Variants in ZNF605 observed in about 807,000 individuals in gnomAD.
ZNF605 encodes zinc finger protein 605.
A neutral mutation model predicts 7.9 loss-of-function variants in ZNF605; 9 were observed. The ratio of observed to expected loss-of-function variants is 1.14; its 90% CI spans 0.68 to 1.98. The LOEUF (loss-of-function observed/expected upper bound fraction) is 1.98. Among genes scored for constraint, ZNF605 ranks in the 30% most tolerant of loss-of-function variants. ZNF605 has a pLI of 0.00. For missense variants in ZNF605, 673 were observed against 762.4 expected (o/e 0.88, Z 1.38); for synonymous variants, 255 against 260.1 (o/e 0.98, Z 0.19).
chr12:132,944,305 C>T (rs1952476391), intron 3 of ZNF605, among the ~76,000 whole-genome samples: 1 of 151,350 alleles, frequency 6.6e-6, no homozygotes, highest in South Asian at 2.1e-4. Context: ...GACTGAACAT[C>T]AAAAAAAGAA....
intron 3 of ZNF605, among the ~76,000 whole-genome samples, chr12:132,939,131 G>C (rs1052851238): frequency 1.1e-4 from 17 of 151,912 alleles, no homozygotes; most frequent in African/African-American, 3.6e-4. Flanking sequence ...AAGGGCTGAG[G>C]AATGCGAGCG....
intron 1 of ZNF605, among the ~76,000 whole-genome samples, chr12:132,954,448 GA>G (rs1213308750): frequency 3.0e-3 from 59 of 19,840 alleles, no homozygotes; most frequent in Non-Finnish European, 4.4e-3. Context: ...GTAGGGAGGG[GA>G]GGAGAAGGGT....
intron 1 of ZNF605, chr12:132,948,531 C>T (rs1952519550): frequency 6.6e-6 from 1 of 152,248 alleles, no homozygotes; most frequent in Non-Finnish European, 1.5e-5. Context: ...ACAAGTGGCA[C>T]GAGGCCAGTG....
chr12:132,945,318 C>A lies in ZNF605; in HGVS notation c.15+303G>T. ...TTGTGCTTCTTTGGACATCTTCTTTCCCAAGTTTATATTTTCTCTTATTTA... is the reference window on the plus strand; with the variant it reads ...TTGTGCTTCTTTGGACATCTTCTTTACCAAGTTTATATTTTCTCTTATTTA... On this transcript the variant is annotated intron_variant, in intron 3 of 4. Coordinates refer to ENST00000360187, the MANE Select transcript of ZNF605 (RefSeq NM_183238.4). 13 of 1,026,548 alleles carry A rather than the reference C, an allele frequency of 1.3e-5. No homozygotes were observed. The South Asian group carries it at 1.7e-4, about 13-fold the overall frequency. The allele number at this position is 1,026,548 out of a possible 1,614,324, so 63.6% of individuals were successfully genotyped here. A position where few individuals can be genotyped will look rare whatever the true frequency, so the allele number is the denominator to read the frequency against.
At chr12:132,946,531 C>T (rs950479719) in intron 2 of ZNF605, among the ~76,000 whole-genome samples, 184 of 152,342 alleles carry the variant, frequency 1.2e-3, no homozygotes, top group African/African-American at 4.4e-3. Flanking sequence ...ACTGCCTGCA[C>T]TTTCCTTCAG....
chr12:132,937,358 T>C, intron 3 of ZNF605, among the ~76,000 whole-genome samples: 2 of 39,460 alleles, frequency 5.1e-5, no homozygotes, highest in South Asian at 9.9e-4. Context: ...AAACTCTGTC[T>C]CAAAAAAAAA....
At chr12:132,932,888 C>T (rs1487510471) in intron 4 of ZNF605, 147 bp downstream of exon 4, 2 of 1,363,448 alleles carry the variant, frequency 1.5e-6, no homozygotes, top group Non-Finnish European at 2.0e-6. Context: ...ATTATAAAGG[C>T]TGCAAAATAA....
At chr12:132,935,876 G>C in intron 3 of ZNF605, among the ~76,000 whole-genome samples, 1 of 126,244 alleles carries the variant, frequency 7.9e-6, no homozygotes, top group Admixed American at 9.1e-5. Context: ...CTGGGTGACA[G>C]AGTGAGACTC....
intron 3 of ZNF605, among the ~76,000 whole-genome samples, chr12:132,938,614 T>A (rs1275088727): frequency 6.6e-6 from 1 of 152,188 alleles, no homozygotes; most frequent in African/African-American, 2.4e-5. Context: ...CCCTCGCTTG[T>A]TCTCGGCACC....
At chr12:132,951,377 CAT>C (rs1486373477) in intron 1 of ZNF605, among the ~76,000 whole-genome samples, 16 of 148,118 alleles carry the variant, frequency 1.1e-4, no homozygotes, top group Non-Finnish European at 2.2e-4. Flanking sequence ...GTACATCACA[CAT>C]ATACGTACAC....
At position 132,924,194 on chromosome 12, in the gene ZNF605, A is replaced by G. The variant is rs2137121717; in HGVS notation, c.*1179T>C. 1 of 152,236 alleles carries G rather than the reference A, an allele frequency of 6.6e-6. No homozygotes were observed. The highest frequency in any genetic ancestry group is 1.5e-5 in the Non-Finnish European group (1 of 68,010). The allele number at this position is 152,236 out of a possible 1,614,324, so 9.4% of individuals were successfully genotyped here. A position where few individuals can be genotyped will look rare whatever the true frequency, so the allele number is the denominator to read the frequency against. ...AAGTCATATTTTATTGCTTCTTTGC[A>G]TAACACATTAGTTTTTTTGGATGCC... On this transcript the variant is annotated 3_prime_UTR_variant, in exon 5 of 5. Coordinates refer to ENST00000360187, the MANE Select transcript of ZNF605 (RefSeq NM_183238.4).
At chr12:132,935,475 G>A (rs1952354526) in intron 3 of ZNF605, among the ~76,000 whole-genome samples, 1 of 152,098 alleles carries the variant, frequency 6.6e-6, no homozygotes, top group African/African-American at 2.4e-5. Context: ...AGGGGGCCAT[G>A]CATTCAGGCA....
At position 132,925,919 on chromosome 12, in the gene ZNF605, C is replaced by T. The variant is rs1420788566; in HGVS notation, c.1380G>A (p.Gln460=). ...TCTGATGTGATATCAGGCTTGACTT[C>T]TGGGTGAAGGCCTTCCCACACTCAC... ...ECSECGKAFT[Q]KSSLISHQRT... Residue 460 remains glutamine, a synonymous_variant, in exon 5 of 5, where the codon CAG becomes CAA. Coordinates refer to ENST00000360187, the MANE Select transcript of ZNF605 (RefSeq NM_183238.4). 12 of 1,614,204 alleles carry T rather than the reference C, an allele frequency of 7.4e-6. No homozygotes were observed. The South Asian group carries it at 1.2e-4, about 16-fold the overall frequency.
At chr12:132,937,425 A>G (rs1425316689) in intron 3 of ZNF605, among the ~76,000 whole-genome samples, 5 of 152,100 alleles carry the variant, frequency 3.3e-5, no homozygotes, top group African/African-American at 7.2e-5. Flanking sequence ...GATGTTCAAT[A>G]TATCTGTCAA....
At position 132,925,201 on chromosome 12, in the gene ZNF605, C is replaced by A. The variant is rs1429574679; in HGVS notation, c.*172G>T. ...GAGATGACTTTTTTTACACTGTTTG[C>A]TTTTTAAAAACTTCTCTTTCTAAAT... is the stretch of plus-strand genomic sequence containing the variant. On this transcript the variant is annotated 3_prime_UTR_variant, in exon 5 of 5. Coordinates refer to ENST00000360187, the MANE Select transcript of ZNF605 (RefSeq NM_183238.4). The A allele has an allele frequency of 3.7e-6, 2 of 535,326 alleles. No individual in the cohort carries two copies. Among genetic ancestry groups the A allele is most frequent in the African/African-American group, 3.9e-5 (2 of 51,816 alleles). The allele number at this position is 535,326 out of a possible 1,614,324, so 33.2% of individuals were successfully genotyped here.
intron 3 of ZNF605, among the ~76,000 whole-genome samples, chr12:132,943,644 C>G (rs1011595223): frequency 6.6e-6 from 1 of 152,154 alleles, no homozygotes; most frequent in Admixed American, 6.6e-5. Context: ...ACACTTTTCC[C>G]CACTTTGACT....
rs1462316981 is a variant in ZNF605, at chr12:132,935,886, C to T, written c.16-2731G>A. Among the ~76,000 whole-genome samples, 15 of 90,546 alleles carry T rather than the reference C, an allele frequency of 1.7e-4. 1 individual carries two copies. Among genetic ancestry groups the T allele is most frequent in the Admixed American group, 3.5e-4 (3 of 8,574 alleles). 59.4% of individuals were successfully genotyped at this position (90,546 alleles called of 152,430 possible). On this transcript the variant is annotated intron_variant, in intron 3 of 4. Transcript: ENST00000360187. ...CCAGCCTGGGTGACAGAGTGAGACT[C>T]TGTCTTAAAAAAAAAAAAAAAAAAA...
intron 4 of ZNF605, among the ~76,000 whole-genome samples, chr12:132,929,038 AC>A (rs1952277304): frequency 7.3e-5 from 1 of 13,686 alleles, no homozygotes; most frequent in African/African-American, 9.5e-5. Flanking sequence ...ACAAAACAAA[AC>A]AAAACAAAAA....
chr12:132,954,424 G>A lies in ZNF605; in HGVS notation c.-286+1819C>T, dbSNP rs111606680. On this transcript the variant is annotated intron_variant, in intron 1 of 4. Coordinates refer to ENST00000360187, the MANE Select transcript of ZNF605 (RefSeq NM_183238.4). ...GAGGTGGGGAGGGGATGAGAAGGAT[G>A]GGGGAGGAGAAGGGTAGGGAGGGGA... Among the ~76,000 whole-genome samples the A allele has an allele frequency of 4.9e-3, 213 of 43,640 alleles. 17 individuals carry two copies. The highest frequency in any genetic ancestry group is 0.029 in the Middle Eastern group (2 of 70). 28.6% of individuals were successfully genotyped at this position (43,640 alleles called of 152,430 possible). A position where few individuals can be genotyped will look rare whatever the true frequency, so the allele number is the denominator to read the frequency against.
Sources: allele counts gnomAD v4.1 joint callset (sites outside exome capture counted in the v4.1 genomes callset), GRCh38; gene constraint gnomAD v4.1.1; transcripts MANE v1.5; gene names NCBI Gene and HGNC (gene_info 2026-07-23, HGNC 2026-07-21).